Variants in WFDC8 observed in about 807,000 individuals in gnomAD.
The protein encoded by WFDC8 is WAP four-disulfide core domain protein 8.
In WFDC8, 24 loss-of-function variants were observed where a neutral mutation model predicts 27.0. The ratio of observed to expected loss-of-function variants is 0.89; its 90% confidence interval spans 0.64 to 1.25. The LOEUF (loss-of-function observed/expected upper bound fraction) is 1.25, where lower values mean the gene tolerates loss of function less well. Ranked by LOEUF, WFDC8 falls within the 50% of genes most tolerant of loss-of-function variation. The pLI is 0.00. For synonymous variants in WFDC8, 106 were observed against 99.7 expected (o/e 1.06, Z -0.38); for missense variants, 287 against 295.9 (o/e 0.97, Z 0.22).
At chr20:45,558,819 G>A (rs1980360688) in intron 3 of WFDC8, 33 bp downstream of exon 3, 1 of 1,612,826 alleles carries the variant, frequency 6.2e-7, no homozygotes. Context: ...GCAAGAAGTG[G>A]GGAACCTCTG....
rs1359355621 is a variant in WFDC8 at position 45,562,269 on chromosome 20, C to T, written c.27-50G>A. Reference sequence around the variant, plus strand: ...GAGTTAAGCACAATCCAGAGAGAGACACAAAGTGTGTGCAGGGGAACCTTA... The same window carrying T: ...GAGTTAAGCACAATCCAGAGAGAGATACAAAGTGTGTGCAGGGGAACCTTA... On this transcript the variant is annotated intron_variant, in intron 1 of 5. Transcript: ENST00000289953. The T allele has an allele frequency of 5.3e-6, 8 of 1,509,950 alleles. No individual in the cohort carries two copies. In the Admixed American group the frequency reaches 8.5e-5, roughly 16 times the overall value. 93.5% of individuals were successfully genotyped at this position (1,509,950 alleles called of 1,614,324 possible).
chr20:45,564,302 G>A (rs188261369), intron 1 of WFDC8, among the ~76,000 whole-genome samples: 5 of 152,250 alleles, frequency 3.3e-5, no homozygotes, highest in East Asian at 3.9e-4. Flanking sequence ...TTCTGGGCAC[G>A]GTGGCTCATG....
chr20:45,552,225 T>C, intron 5 of WFDC8, 60 bp from the exon 6 acceptor site: 1 of 1,594,722 alleles, frequency 6.3e-7, no homozygotes. Context: ...TTGAGACAAA[T>C]TTGAGGAATC....
rs201806897 is a variant in WFDC8 at position 45,553,104 on chromosome 20, A to G, written c.586+32T>C. The G allele has an allele frequency of 1.9e-4, 301 of 1,595,476 alleles. No homozygotes were observed. In the East Asian group the frequency reaches 3.5e-3, roughly 19 times the overall value. On this transcript the variant is annotated intron_variant, in intron 5 of 5. Transcript: ENST00000289953. ...GCATGACATCCTTGGCACATGCCCA[A>G]TAGATTTGGGAGGTATATCCCCAAT... is the stretch of plus-strand genomic sequence containing the variant.
intron 1 of WFDC8, among the ~76,000 whole-genome samples, chr20:45,573,890 T>G (rs1034993252): frequency 6.6e-6 from 1 of 152,180 alleles, no homozygotes; most frequent in Non-Finnish European, 1.5e-5. Flanking sequence ...TCTGTTTCTA[T>G]GACAGTACCA....
At chr20:45,565,971 TA>T (rs1257528641) in intron 1 of WFDC8, among the ~76,000 whole-genome samples, 2 of 152,172 alleles carry the variant, frequency 1.3e-5, no homozygotes, top group African/African-American at 4.8e-5. Context: ...CACAAAATTT[TA>T]AAAAAATATA....
At chr20:45,568,037 C>A in intron 1 of WFDC8, 1 of 303,764 alleles carries the variant, frequency 3.3e-6, no homozygotes. Context: ...TGCTACTGCT[C>A]TAGTTCACAT....
At chr20:45,568,131 TC>T in intron 1 of WFDC8, 1 of 359,858 alleles carries the variant, frequency 2.8e-6, no homozygotes, top group Non-Finnish European at 5.6e-6. Context: ...ACTGAAAATC[TC>T]CATTTCCACT....
intron 1 of WFDC8, among the ~76,000 whole-genome samples, chr20:45,565,251 G>A (rs566538000): frequency 6.6e-6 from 1 of 152,178 alleles, no homozygotes; most frequent in South Asian, 2.1e-4. Flanking sequence ...TTTTACCTCC[G>A]TCTACCCATT....
Position 45,558,850 on chromosome 20 carries a change from A to T in WFDC8, c.277+2T>A. On this transcript the variant is annotated splice_donor_variant, in intron 3 of 5. Transcript: ENST00000289953. LOFTEE classifies it high-confidence loss of function. Reference sequence around the variant, plus strand: ...CTCTGTCCTCAGCCTGGACATCGCTACCTTGAAAGGGATCCATGCACTTCT... The same window carrying T: ...CTCTGTCCTCAGCCTGGACATCGCTTCCTTGAAAGGGATCCATGCACTTCT... 1 of 1,614,098 alleles carries T rather than the reference A, an allele frequency of 6.2e-7. No individual in the cohort carries two copies. Among genetic ancestry groups the T allele is most frequent in the Non-Finnish European group, 8.5e-7 (1 of 1,179,994 alleles).
At chr20:45,556,320 CTT>C (rs775265323) in intron 3 of WFDC8, among the ~76,000 whole-genome samples, 33 of 152,162 alleles carry the variant, frequency 2.2e-4, no homozygotes, top group Non-Finnish European at 4.0e-4. Flanking sequence ...TTGCTAATGA[CTT>C]ATTATTTGCT....
chr20:45,570,651 A>T (rs6017626), intron 1 of WFDC8, among the ~76,000 whole-genome samples: 58,760 of 152,038 alleles, frequency 0.39, 11,829 homozygotes, highest in Non-Finnish European at 0.43. Flanking sequence ...GAACCTAAGT[A>T]TTCATTTCTC....
intron 4 of WFDC8, among the ~76,000 whole-genome samples, chr20:45,554,307 T>C (rs1980160722): frequency 6.6e-6 from 1 of 152,010 alleles, no homozygotes; most frequent in African/African-American, 2.4e-5. Flanking sequence ...GGATTATAGG[T>C]GTGAGCTACT....
chr20:45,552,553 G>A (rs1383676296), intron 5 of WFDC8, among the ~76,000 whole-genome samples: 1 of 152,186 alleles, frequency 6.6e-6, no homozygotes, highest in Non-Finnish European at 1.5e-5. Context: ...CACATAGAAA[G>A]CCAGTAGAAA....
rs903843284 is a variant in WFDC8, at chr20:45,552,175, G to A, written c.587-10C>T. 3.1e-6 allele frequency: 5 copies of A among 1,610,922 alleles called. No homozygotes were observed. The highest frequency in any genetic ancestry group is 3.4e-5 in the Admixed American group (2 of 59,410). On this transcript the variant is annotated splice_polypyrimidine_tract_variant and intron_variant, in intron 5 of 5. Transcript: ENST00000289953. ...CAGAAACCTTTTTTGACTTTATGGGGTAAAAGAAAACACTTGACCTTGAAA... is the reference window on the plus strand; with the variant it reads ...CAGAAACCTTTTTTGACTTTATGGGATAAAAGAAAACACTTGACCTTGAAA...
chr20:45,558,791 C>T, intron 3 of WFDC8, 61 bp downstream of exon 3: 1 of 1,599,324 alleles, frequency 6.3e-7, no homozygotes, highest in Non-Finnish European at 8.5e-7. Flanking sequence ...GGGAATCCCT[C>T]AGCCAGTTTT....
intron 4 of WFDC8, among the ~76,000 whole-genome samples, chr20:45,554,734 T>C (rs1035512410): frequency 6.6e-6 from 1 of 152,188 alleles, no homozygotes; most frequent in Non-Finnish European, 1.5e-5. Flanking sequence ...CTTGTGGTCC[T>C]AGTTTCAAGT....
chr20:45,565,518 T>A (rs1394299489), intron 1 of WFDC8, among the ~76,000 whole-genome samples: 1 of 152,200 alleles, frequency 6.6e-6, no homozygotes, highest in African/African-American at 2.4e-5. Context: ...TCTTTAAATT[T>A]TTTTTTAAAA....
At chr20:45,564,482 TA>T (rs1980575797) in intron 1 of WFDC8, among the ~76,000 whole-genome samples, 3 of 152,200 alleles carry the variant, frequency 2.0e-5, no homozygotes, top group Admixed American at 6.5e-5. Context: ...CCATCCTGGC[TA>T]ACACGGTGAA....
Sources: gnomAD v4.1 joint callset for allele counts (sites outside exome capture counted in the v4.1 genomes callset) on GRCh38, gnomAD v4.1.1 for gene constraint, MANE v1.5 for transcripts, NCBI Gene and HGNC (gene_info 2026-07-23, HGNC 2026-07-21) for gene names.